DPP6: variants seen among roughly 807,000 people sequenced by gnomAD.
The protein encoded by DPP6 is dipeptidyl peptidase like 6.
Under a neutral mutation model 122.6 loss-of-function variants are expected in DPP6, and 69 were observed. That is an observed-to-expected ratio of 0.56 (90% CI 0.46 to 0.69). DPP6 has a LOEUF of 0.69. Ranked by LOEUF, DPP6 falls within the 30% of genes least tolerant of loss-of-function variation. The probability of loss-of-function intolerance (pLI) is 0.00; values close to 1 mark genes in which losing one functional copy is unlikely to be tolerated. For synonymous variants in DPP6, 418 were observed against 433.1 expected (o/e 0.97, Z 0.43); for missense variants, 928 against 1,116.9 (o/e 0.83, Z 2.41).
intron 16 of DPP6, among the ~76,000 whole-genome samples, chr7:154,852,120 G>T (rs1802438628): frequency 6.6e-6 from 1 of 152,212 alleles, no homozygotes; most frequent in Non-Finnish European, 1.5e-5. Context: ...TGGGGCCTCT[G>T]CAGTGAGGCC....
upstream of DPP6, among the ~76,000 whole-genome samples, chr7:153,886,336 G>A (rs551006646): frequency 2.2e-4 from 34 of 152,286 alleles, no homozygotes; most frequent in African/African-American, 8.2e-4. Context: ...AGGTGGAGAC[G>A]GGAACCCAGG....
At chr7:154,422,762 G>A (rs1329871366) in intron 1 of DPP6, among the ~76,000 whole-genome samples, 1 of 151,516 alleles carries the variant, frequency 6.6e-6, no homozygotes, top group Non-Finnish European at 1.5e-5. Context: ...GGAGGTGGGT[G>A]GCTTGGCTAA....
intron 16 of DPP6, among the ~76,000 whole-genome samples, chr7:154,820,555 C>T (rs2150495724): frequency 6.6e-6 from 1 of 152,304 alleles, no homozygotes; most frequent in East Asian, 1.9e-4. Context: ...CCCTTCACTT[C>T]CTGAAGTGTT....
chr7:153,798,858 G>A, the DPP6 span, among the ~76,000 whole-genome samples: 1 of 152,286 alleles, frequency 6.6e-6, no homozygotes, highest in East Asian at 1.9e-4. Context: ...TTCTCATAAG[G>A]ATCAGGTATT....
intron 16 of DPP6, among the ~76,000 whole-genome samples, chr7:154,830,509 G>C (rs1445493073): frequency 6.6e-6 from 1 of 152,246 alleles, no homozygotes; most frequent in Non-Finnish European, 1.5e-5. Flanking sequence ...ATATTCCACT[G>C]TCTAGCCCTA....
intron 5 of DPP6, among the ~76,000 whole-genome samples, chr7:154,635,185 T>C (rs2130914595): frequency 6.6e-6 from 1 of 152,262 alleles, no homozygotes; most frequent in Non-Finnish European, 1.5e-5. Context: ...AGGACAATAA[T>C]ATCTGCCTCA....
intron 5 of DPP6, among the ~76,000 whole-genome samples, chr7:154,578,077 A>G (rs1211258739): frequency 6.6e-6 from 1 of 152,234 alleles, no homozygotes; most frequent in African/African-American, 2.4e-5. Context: ...TAGCATTACC[A>G]GTAATATCAC....
chr7:154,883,913 C>T (rs1805771453), intron 21 of DPP6: 2 of 124,184 alleles, frequency 1.6e-5, no homozygotes, highest in Non-Finnish European at 1.6e-5. Flanking sequence ...TACACATGCT[C>T]ACACACGCTC....
At chr7:154,826,004 A>C (rs1482310079) in intron 16 of DPP6, among the ~76,000 whole-genome samples, 1 of 152,180 alleles carries the variant, frequency 6.6e-6, no homozygotes, top group Non-Finnish European at 1.5e-5. Flanking sequence ...CTTATATCCT[A>C]GTGAGTAACT....
At chr7:154,277,114 C>T (rs1307122990) in intron 1 of DPP6, among the ~76,000 whole-genome samples, 5 of 152,162 alleles carry the variant, frequency 3.3e-5, no homozygotes, top group East Asian at 1.9e-4. Context: ...GGCAGAGTGC[C>T]GTCATGTTCA....
At chr7:154,687,065 A>G (rs1839655890) in intron 7 of DPP6, among the ~76,000 whole-genome samples, 1 of 121,430 alleles carries the variant, frequency 8.2e-6, no homozygotes, top group South Asian at 3.3e-4. Context: ...GACAGTATCT[A>G]TACTCATGTG....
At chr7:153,813,225 G>A in the DPP6 span, among the ~76,000 whole-genome samples, 2 of 136,824 alleles carry the variant, frequency 1.5e-5, no homozygotes, top group African/African-American at 5.6e-5. Flanking sequence ...CCCTTCCTGT[G>A]TCCATGCGTT....
At chr7:153,856,644 T>A in the DPP6 span, among the ~76,000 whole-genome samples, 1 of 152,248 alleles carries the variant, frequency 6.6e-6, no homozygotes, top group South Asian at 2.1e-4. Context: ...ACTGTGAGTT[T>A]ACTTACCTCT....
At chr7:154,222,851 G>A (rs1800384741) in intron 1 of DPP6, among the ~76,000 whole-genome samples, 2 of 148,712 alleles carry the variant, frequency 1.3e-5, no homozygotes, top group South Asian at 4.2e-4. Flanking sequence ...GCTCAGTCTG[G>A]AACTCCAATG....
chr7:154,327,089 G>A (rs998510629), intron 1 of DPP6, among the ~76,000 whole-genome samples: 1 of 152,016 alleles, frequency 6.6e-6, no homozygotes. Context: ...CTTGGTGTCT[G>A]GTTCCCACAG....
At chr7:154,370,981 C>A (rs1013218009) in intron 1 of DPP6, among the ~76,000 whole-genome samples, 2 of 152,106 alleles carry the variant, frequency 1.3e-5, no homozygotes. Context: ...GAGGAGCCTC[C>A]CTATGCAGTT....
chr7:154,287,660 C>T (rs530812027), intron 1 of DPP6, among the ~76,000 whole-genome samples: 1 of 152,310 alleles, frequency 6.6e-6, no homozygotes, highest in South Asian at 2.1e-4. Context: ...ATCTGCTTGG[C>T]TTGTGGAGAC....
chr7:154,170,594 C>T lies in DPP6; in HGVS notation c.243+117531C>T, dbSNP rs572961617. Among the ~76,000 whole-genome samples, 7 of 152,246 alleles carry T rather than the reference C, an allele frequency of 4.6e-5. No individual in the cohort carries two copies. In the East Asian group the frequency reaches 1.4e-3, roughly 29 times the overall value. ...TTATTTATTACAATTTATTATCCTC[C>T]GAATCTGCCTGGGGTTTTGATAGAA... On this transcript the variant is annotated intron_variant, in intron 1 of 25. Coordinates refer to ENST00000377770, the MANE Select transcript of DPP6 (RefSeq NM_130797.4).
At chr7:154,850,252 TA>T (rs1388722681) in intron 16 of DPP6, among the ~76,000 whole-genome samples, 1 of 152,226 alleles carries the variant, frequency 6.6e-6, no homozygotes, top group Non-Finnish European at 1.5e-5. Flanking sequence ...TGTATCCTCA[TA>T]CTTAGCTCCC....
Sources: gnomAD v4.1 joint callset for allele counts (sites outside exome capture counted in the v4.1 genomes callset) on GRCh38, gnomAD v4.1.1 for gene constraint, MANE v1.5 for transcripts, NCBI Gene and HGNC (gene_info 2026-07-23, HGNC 2026-07-21) for gene names.